CERS4: variants seen among roughly 807,000 people sequenced by gnomAD.
The protein encoded by CERS4 is LAG1 homolog, ceramide synthase 4.
Under a neutral mutation model 51.8 loss-of-function variants are expected in CERS4, and 65 were observed. The ratio of observed to expected loss-of-function variants is 1.26; its 90% CI spans 1.03 to 1.54. CERS4 has a LOEUF of 1.54. CERS4 is among the 40% of genes most tolerant of loss of function. The pLI, the probability that CERS4 is intolerant of heterozygous loss-of-function variation, is 0.00. For missense variants in CERS4, 563 were observed against 500.4 expected, an observed-to-expected ratio of 1.13 and a Z score of -1.19; for synonymous variants, 228 against 208.4, an observed-to-expected ratio of 1.09 and a Z score of -0.81.
At chr19:8,234,995 TTTTCTTTC>T (rs1213336241) in intron 2 of CERS4, among the ~76,000 whole-genome samples, 5 of 141,330 alleles carry the variant, frequency 3.5e-5, no homozygotes, top group African/African-American at 1.1e-4. Context: ...ATCTTTCTCT[TTTTCTTTC>T]TTTCTTTCTT....
At chr19:8,234,129 AC>A (rs1303339674) in intron 2 of CERS4, among the ~76,000 whole-genome samples, 1 of 148,838 alleles carries the variant, frequency 6.7e-6, no homozygotes, top group Non-Finnish European at 1.5e-5. Flanking sequence ...ACACGGTGAA[AC>A]CCCGTCTCTA....
chr19:8,246,981 C>T (rs2145270377), intron 2 of CERS4, among the ~76,000 whole-genome samples: 1 of 152,202 alleles, frequency 6.6e-6, no homozygotes. Flanking sequence ...GCCTGGCCAA[C>T]ATAACAAAAC....
At chr19:8,245,746 G>A (rs567342497) in intron 2 of CERS4, among the ~76,000 whole-genome samples, 1 of 150,670 alleles carries the variant, frequency 6.6e-6, no homozygotes, top group East Asian at 2.0e-4. Context: ...CACCGTGTTG[G>A]CCAGGCTGGT....
intron 10 of CERS4, among the ~76,000 whole-genome samples, chr19:8,259,114 A>T (rs1450624763): frequency 1.3e-5 from 2 of 152,182 alleles, no homozygotes; most frequent in Non-Finnish European, 2.9e-5. Context: ...AGCCTGGGCG[A>T]CAGAGCAAGA....
At chr19:8,248,285 T>C (rs1364904803) in intron 2 of CERS4, among the ~76,000 whole-genome samples, 2 of 152,200 alleles carry the variant, frequency 1.3e-5, no homozygotes, top group African/African-American at 2.4e-5. Context: ...TACAAGTCAA[T>C]TGGAGAATAT....
chr19:8,230,591 T>C (rs943712687), intron 2 of CERS4, among the ~76,000 whole-genome samples: 4 of 152,208 alleles, frequency 2.6e-5, no homozygotes, highest in African/African-American at 9.6e-5. Context: ...ATTTTAAACA[T>C]GTTTAAGTGT....
chr19:8,256,052 A>G (rs1007686225), intron 6 of CERS4, 173 bp downstream of exon 6: 12 of 931,652 alleles, frequency 1.3e-5, no homozygotes, highest in African/African-American at 1.6e-5. Context: ...TGGATTTACT[A>G]TGCACCAAAA....
intron 2 of CERS4, among the ~76,000 whole-genome samples, chr19:8,216,914 C>T (rs1339288289): frequency 6.6e-6 from 1 of 152,084 alleles, no homozygotes; most frequent in Admixed American, 6.6e-5. Context: ...ACTCTACTCC[C>T]TACTTTATGA....
At chr19:8,253,386 G>T (rs1040476022) in intron 3 of CERS4, among the ~76,000 whole-genome samples, 2 of 151,854 alleles carry the variant, frequency 1.3e-5, no homozygotes, top group Non-Finnish European at 2.9e-5. Flanking sequence ...ATTGGGCAAA[G>T]GTACCTGGGT....
intron 1 of CERS4, 137 bp downstream of exon 1, chr19:8,209,631 G>A (rs993271399): frequency 3.9e-5 from 6 of 152,258 alleles, no homozygotes; most frequent in African/African-American, 1.4e-4. Context: ...CACCCCGCCG[G>A]GGACTGTCCC....
At chr19:8,211,403 T>A (rs1180369636) in intron 2 of CERS4, among the ~76,000 whole-genome samples, 17 of 152,282 alleles carry the variant, frequency 1.1e-4, no homozygotes, top group Non-Finnish European at 5.9e-5. Flanking sequence ...AGCCCTGTCC[T>A]GCCACTTTGA....
At chr19:8,249,651 G>A (rs753087686) in intron 2 of CERS4, among the ~76,000 whole-genome samples, 1 of 139,404 alleles carries the variant, frequency 7.2e-6, no homozygotes, top group Non-Finnish European at 1.5e-5. Flanking sequence ...CAGTGCAGTG[G>A]CCTGATCTCT....
intron 10 of CERS4, among the ~76,000 whole-genome samples, chr19:8,259,993 G>C (rs1568542578): frequency 6.6e-6 from 1 of 151,916 alleles, no homozygotes; most frequent in Non-Finnish European, 1.5e-5. Flanking sequence ...CAAGGCCTGA[G>C]GAGATTAGGC....
intron 3 of CERS4, among the ~76,000 whole-genome samples, chr19:8,253,046 T>C (rs1019291712): frequency 3.3e-5 from 5 of 152,348 alleles, no homozygotes; most frequent in African/African-American, 1.2e-4. Context: ...GCTCATTCTC[T>C]CCGCATCATG....
intron 2 of CERS4, among the ~76,000 whole-genome samples, chr19:8,248,608 G>A (rs115223615): frequency 0.04 from 6,127 of 152,008 alleles, 152 homozygotes; most frequent in African/African-American, 0.052. Context: ...TGGGTAGGTG[G>A]ATGGATGATG....
chr19:8,243,807 G>GCCT (rs1262041372), intron 2 of CERS4, among the ~76,000 whole-genome samples: 1 of 148,070 alleles, frequency 6.8e-6, no homozygotes, highest in Non-Finnish European at 1.5e-5. Flanking sequence ...AGTAGCTCCT[G>GCCT]CCTCCTCCAC....
chr19:8,230,180 C>CT (rs970427247), intron 2 of CERS4, among the ~76,000 whole-genome samples: 77 of 148,194 alleles, frequency 5.2e-4, no homozygotes, highest in Non-Finnish European at 8.8e-4. Flanking sequence ...CAAGTTAGAC[C>CT]TTTTTTTTTC....
At chr19:8,233,726 T>G (rs1320883158) in intron 2 of CERS4, among the ~76,000 whole-genome samples, 1 of 151,830 alleles carries the variant, frequency 6.6e-6, no homozygotes, top group East Asian at 1.9e-4. Flanking sequence ...ATTTTTTAAT[T>G]GTGGGGCCGG....
chr19:8,259,112 C>T (rs1006925723), intron 10 of CERS4, among the ~76,000 whole-genome samples: 3 of 151,958 alleles, frequency 2.0e-5, no homozygotes, highest in African/African-American at 4.8e-5. Context: ...CCAGCCTGGG[C>T]GACAGAGCAA....
Sources: gnomAD v4.1 joint callset for allele counts (sites outside exome capture counted in the v4.1 genomes callset) on GRCh38, gnomAD v4.1.1 for gene constraint, MANE v1.5 for transcripts, NCBI Gene and HGNC (gene_info 2026-07-23, HGNC 2026-07-21) for gene names.